Variants in AHCY observed in about 807,000 individuals in gnomAD.
AHCY encodes S-adenosyl-L-homocysteine hydrolase.
Under a neutral mutation model 45.4 loss-of-function variants are expected in AHCY, and 24 were observed. The observed-to-expected ratio is 0.53, with a 90% CI of 0.38 to 0.74. AHCY has a LOEUF of 0.74. Among genes scored for constraint, AHCY ranks in the 30% least tolerant of loss-of-function variants. The pLI is 0.00. For synonymous variants in AHCY, 245 were observed against 235.1 expected (o/e 1.04, Z -0.39); for missense variants, 449 against 594.1 (o/e 0.76, Z 2.54).
the AHCY span, among the ~76,000 whole-genome samples, chr20:34,239,294 G>A: frequency 3.6e-4 from 54 of 151,334 alleles, no homozygotes; most frequent in African/African-American, 1.2e-3. Flanking sequence ...TTGGCTCACC[G>A]CAACCTCTGC....
chr20:34,299,244 A>C (rs565491612), intron 1 of AHCY, among the ~76,000 whole-genome samples: 1 of 151,312 alleles, frequency 6.6e-6, no homozygotes, highest in East Asian at 2.3e-4. Context: ...TCTCCTCCTT[A>C]AGGACTTCCA....
At chr20:34,245,221 C>T in the AHCY span, among the ~76,000 whole-genome samples, 3 of 150,416 alleles carry the variant, frequency 2.0e-5, no homozygotes, top group East Asian at 6.1e-4. Flanking sequence ...GTAATCCCAG[C>T]TACTCAGGAG....
At chr20:34,244,533 C>T in the AHCY span, among the ~76,000 whole-genome samples, 1 of 152,210 alleles carries the variant, frequency 6.6e-6, no homozygotes, top group Admixed American at 6.5e-5. Context: ...ATTCTTTAAA[C>T]ATATGCGTAA....
At chr20:34,236,012 AAGAGAG>A in the AHCY span, among the ~76,000 whole-genome samples, 10 of 113,710 alleles carry the variant, frequency 8.8e-5, 1 homozygote, top group Middle Eastern at 7.9e-3. Flanking sequence ...GAAAGAGAGA[AAGAGAG>A]AGAGAAGAAG....
chr20:34,290,646 G>C lies in AHCY; in HGVS notation c.767-8C>G. ...TGGTGGTCACCTCATAGCCTGTGCA[G>C]AGACAGTGGCTGTGGGTCATCTACG... is the stretch of plus-strand genomic sequence containing the variant. On this transcript the variant is annotated splice_region_variant and splice_polypyrimidine_tract_variant and intron_variant, in intron 6 of 9. Transcript: ENST00000217426. The surrounding 1 kb of genome is among the most constrained non-coding windows in gnomAD (Gnocchi z 4.5). The C allele has an allele frequency of 6.2e-7, 1 of 1,613,340 alleles. No individual in the cohort carries two copies. Among genetic ancestry groups the C allele is most frequent in the Non-Finnish European group, 8.5e-7 (1 of 1,179,986 alleles).
At chr20:34,305,470 G>A (rs1206423647), upstream of AHCY, among the ~76,000 whole-genome samples, 1 of 152,184 alleles carries the variant, frequency 6.6e-6, no homozygotes, top group African/African-American at 2.4e-5. Flanking sequence ...GAGGGTCCAC[G>A]CCTGGGAGGT....
chr20:34,293,682 T>C (rs1463005740), intron 3 of AHCY: 2 of 348,672 alleles, frequency 5.7e-6, no homozygotes, highest in Non-Finnish European at 1.1e-5. Flanking sequence ...GAAAACTCCA[T>C]TCTCGTTAGA....
intron 1 of AHCY, chr20:34,302,785 T>G (rs1601688601): frequency 1.0e-5 from 10 of 997,682 alleles, no homozygotes; most frequent in African/African-American, 8.6e-5. Context: ...TTTCCAGGCC[T>G]CTCCTCATAC....
chr20:34,268,754 C>CA, the AHCY span, among the ~76,000 whole-genome samples: 2 of 146,722 alleles, frequency 1.4e-5, no homozygotes, highest in Non-Finnish European at 3.0e-5. Context: ...AAAAAACAAA[C>CA]AAACAAAAAA....
At chr20:34,304,947 C>T (rs1464350749), upstream of AHCY, among the ~76,000 whole-genome samples, 3 of 151,666 alleles carry the variant, frequency 2.0e-5, no homozygotes, top group Non-Finnish European at 4.4e-5. Flanking sequence ...CTCTGCCTCC[C>T]AAAGTGCTGG....
chr20:34,298,759 T>C lies in AHCY; in HGVS notation c.29-3174A>G, dbSNP rs181310898. Reference sequence around the variant, plus strand: ...TGATGCTGTGCTTCAGTGGTCACACTCCTAGTCTGCCTTCATGTTCCATCC... The same window carrying C: ...TGATGCTGTGCTTCAGTGGTCACACCCCTAGTCTGCCTTCATGTTCCATCC... On this transcript the variant is annotated intron_variant, in intron 1 of 9. Coordinates refer to ENST00000217426, the MANE Select transcript of AHCY (RefSeq NM_000687.4). Among the ~76,000 whole-genome samples, 21 of 152,274 alleles carry C rather than the reference T, an allele frequency of 1.4e-4. No individual in the cohort carries two copies. The East Asian group carries it at 4.0e-3, about 29-fold the overall frequency.
the AHCY span, among the ~76,000 whole-genome samples, chr20:34,268,066 G>A: frequency 3.9e-4 from 59 of 152,214 alleles, no homozygotes; most frequent in Admixed American, 3.5e-3. Flanking sequence ...TGTTTAAGAG[G>A]AAGAATATTT....
At chr20:34,303,164 C>T in intron 1 of AHCY, 79 bp downstream of exon 1, 10 of 1,543,992 alleles carry the variant, frequency 6.5e-6, no homozygotes, top group Non-Finnish European at 7.9e-6. Flanking sequence ...AGCCCCGAGT[C>T]GGCCCTGCAG....
At chr20:34,258,840 A>G in the AHCY span, among the ~76,000 whole-genome samples, 2 of 123,036 alleles carry the variant, frequency 1.6e-5, no homozygotes, top group East Asian at 4.3e-4. Flanking sequence ...TATTATATAT[A>G]TAGTGTATAT....
intron 1 of AHCY, among the ~76,000 whole-genome samples, chr20:34,299,556 G>A (rs1027486427): frequency 5.3e-5 from 8 of 152,044 alleles, no homozygotes; most frequent in African/African-American, 1.7e-4. Flanking sequence ...CCTTCTCTAC[G>A]GGGATGACTC....
the AHCY span, among the ~76,000 whole-genome samples, chr20:34,255,319 C>T: frequency 2.0e-5 from 3 of 152,126 alleles, no homozygotes; most frequent in Non-Finnish European, 4.4e-5. Context: ...ACTCCTGCCA[C>T]CTTTTTCTTT....
chr20:34,274,797 A>T, the AHCY span, among the ~76,000 whole-genome samples: 44 of 152,182 alleles, frequency 2.9e-4, no homozygotes, highest in African/African-American at 9.2e-4. Flanking sequence ...AAAAAATTTT[A>T]AATTAAATTA....
chr20:34,311,557 G>A (rs2036948658), exon 1 of AHCY: 1 of 152,528 alleles, frequency 6.6e-6, no homozygotes, highest in Non-Finnish European at 1.5e-5. Context: ...GGGCGCACAA[G>A]CCTGCCCTTT....
chr20:34,305,072 T>C (rs146110121), upstream of AHCY, among the ~76,000 whole-genome samples: 1,514 of 150,068 alleles, frequency 0.01, 29 homozygotes, highest in African/African-American at 0.034. Context: ...TCCCAGCACA[T>C]TGGGAGGCCG....
Sources: allele counts gnomAD v4.1 joint callset (sites outside exome capture counted in the v4.1 genomes callset), GRCh38; gene constraint gnomAD v4.1.1; non-coding constraint Gnocchi (gnomAD v3.1); transcripts MANE v1.5; gene names NCBI Gene and HGNC (gene_info 2026-07-23, HGNC 2026-07-21).